The following KHDRBS2 variants were observed in gnomAD, a reference collection of about 807,000 sequenced individuals.
The protein encoded by KHDRBS2 is KH RNA binding domain containing, signal transduction associated 2.
In KHDRBS2, 26 loss-of-function variants were observed where a neutral mutation model predicts 44.3. The ratio of observed to expected loss-of-function variants is 0.59; its 90% CI spans 0.43 to 0.81. The LOEUF (loss-of-function observed/expected upper bound fraction) is 0.81, where lower values mean the gene tolerates loss of function less well. Ranked by LOEUF, KHDRBS2 falls within the 40% of genes least tolerant of loss-of-function variation. The pLI is 0.00. For missense variants in KHDRBS2, 476 were observed against 433.1 expected, an observed-to-expected ratio of 1.10 and a Z score of -0.88; for synonymous variants, 194 against 151.1, an observed-to-expected ratio of 1.28 and a Z score of -2.08.
chr6:61,798,227 C>A (rs1270581267), intron 6 of KHDRBS2, among the ~76,000 whole-genome samples: 1 of 152,030 alleles, frequency 6.6e-6, no homozygotes, highest in Non-Finnish European at 1.5e-5. Flanking sequence ...TTGATGCACT[C>A]ATATCATACT....
chr6:61,866,788 A>G (rs140581094), intron 6 of KHDRBS2, among the ~76,000 whole-genome samples: 10 of 152,304 alleles, frequency 6.6e-5, no homozygotes, highest in African/African-American at 1.9e-4. Context: ...AAGTTCCACA[A>G]ATATTTAGAG....
intron 5 of KHDRBS2, among the ~76,000 whole-genome samples, chr6:61,900,692 G>A (rs766807780): frequency 4.6e-5 from 7 of 151,988 alleles, no homozygotes; most frequent in Non-Finnish European, 1.0e-4. Flanking sequence ...TGGCTTTCTG[G>A]GCTGATGGCA....
intron 1 of KHDRBS2, among the ~76,000 whole-genome samples, chr6:62,209,783 C>A (rs1235334278): frequency 6.6e-6 from 1 of 152,082 alleles, no homozygotes; most frequent in Non-Finnish European, 1.5e-5. Context: ...AGTCTTCCAG[C>A]CTTCATCTTT....
At chr6:61,929,338 C>CT (rs1184169339) in intron 4 of KHDRBS2, among the ~76,000 whole-genome samples, 5 of 152,180 alleles carry the variant, frequency 3.3e-5, no homozygotes, top group African/African-American at 1.2e-4. Context: ...TCATAGCTGT[C>CT]TTTTAACAGG....
intron 3 of KHDRBS2, among the ~76,000 whole-genome samples, chr6:62,039,013 G>A (rs1312508283): frequency 1.3e-5 from 2 of 151,930 alleles, no homozygotes. Context: ...TATTAGAACA[G>A]TAACTTATTA....
At chr6:62,270,292 T>TCC (rs1197309471) in intron 1 of KHDRBS2, among the ~76,000 whole-genome samples, 3 of 142,212 alleles carry the variant, frequency 2.1e-5, no homozygotes, top group African/African-American at 8.2e-5. Flanking sequence ...TCTCTCTCTC[T>TCC]CTCTCTCTCC....
At chr6:62,200,665 A>G (rs879669162) in intron 1 of KHDRBS2, among the ~76,000 whole-genome samples, 2 of 152,224 alleles carry the variant, frequency 1.3e-5, no homozygotes, top group Non-Finnish European at 2.9e-5. Flanking sequence ...ACCATTGTGG[A>G]AGTCAGTGTG....
chr6:61,636,797 G>A, the KHDRBS2 span, among the ~76,000 whole-genome samples: 1 of 151,934 alleles, frequency 6.6e-6, no homozygotes, highest in African/African-American at 2.4e-5. Flanking sequence ...ACTTCTATAT[G>A]TATGTGTTAA....
chr6:61,995,047 CA>C (rs1229498024), intron 3 of KHDRBS2, among the ~76,000 whole-genome samples: 2 of 152,168 alleles, frequency 1.3e-5, no homozygotes, highest in South Asian at 4.1e-4. Flanking sequence ...AAGATGTAGA[CA>C]ACTATATAGG....
At position 62,190,685 on chromosome 6, in the gene KHDRBS2, C is replaced by T. The variant is rs188357499; in HGVS notation, c.92-13373G>A. 1.7e-3 allele frequency among the ~76,000 whole-genome samples: 253 copies of T among 152,142 alleles called. 3 individuals are homozygous for T. Among genetic ancestry groups the T allele is most frequent in the Non-Finnish European group, 2.2e-3 (148 of 67,978 alleles). On this transcript the variant is annotated intron_variant, in intron 1 of 8. Transcript: ENST00000281156. ...AATTTTTAATACAAATAAAACTCAG[C>T]GCATCTCAAACTGTACTTTAAAACC...
intron 3 of KHDRBS2, among the ~76,000 whole-genome samples, chr6:62,022,382 G>A (rs1311088036): frequency 6.6e-6 from 1 of 151,620 alleles, no homozygotes; most frequent in East Asian, 1.9e-4. Flanking sequence ...ACCTGTATGA[G>A]TTAACCAACC....
chr6:61,960,049 A>G (rs1768293099), intron 4 of KHDRBS2, among the ~76,000 whole-genome samples: 1 of 150,400 alleles, frequency 6.6e-6, no homozygotes, highest in Non-Finnish European at 1.5e-5. Flanking sequence ...ATTTGTGTTT[A>G]ATATCTTGTC....
At chr6:62,069,877 T>C (rs749714796) in intron 2 of KHDRBS2, among the ~76,000 whole-genome samples, 9 of 151,756 alleles carry the variant, frequency 5.9e-5, no homozygotes, top group East Asian at 3.9e-4. Flanking sequence ...TAAATTTGAG[T>C]ATATTTTATA....
At chr6:61,658,731 A>T in the KHDRBS2 span, among the ~76,000 whole-genome samples, 15 of 152,036 alleles carry the variant, frequency 9.9e-5, no homozygotes, top group Admixed American at 3.9e-4. Flanking sequence ...TACACTATAA[A>T]ATTTGGCATT....
At chr6:62,237,575 T>TG (rs1833900298) in intron 1 of KHDRBS2, among the ~76,000 whole-genome samples, 1 of 152,092 alleles carries the variant, frequency 6.6e-6, no homozygotes, top group Non-Finnish European at 1.5e-5. Context: ...AGAAGATAGG[T>TG]GTTTTGCCTA....
intron 2 of KHDRBS2, among the ~76,000 whole-genome samples, chr6:62,049,825 C>T (rs116282993): frequency 0.029 from 4,390 of 152,098 alleles, 222 homozygotes; most frequent in African/African-American, 0.099. Flanking sequence ...AATAAGAATG[C>T]TTTTATACTG....
At chr6:61,821,789 AT>A (rs149243333) in intron 6 of KHDRBS2, among the ~76,000 whole-genome samples, 2 of 149,944 alleles carry the variant, frequency 1.3e-5, no homozygotes, top group Non-Finnish European at 3.0e-5. Flanking sequence ...CATTGTTAAG[AT>A]TTTTTTTTCC....
At chr6:62,168,369 C>T (rs1159325976) in intron 2 of KHDRBS2, among the ~76,000 whole-genome samples, 3 of 152,062 alleles carry the variant, frequency 2.0e-5, no homozygotes, top group African/African-American at 7.2e-5. Flanking sequence ...CAAAGAGATA[C>T]TTTTAAAGGC....
intron 2 of KHDRBS2, among the ~76,000 whole-genome samples, chr6:62,163,244 A>G (rs1488568659): frequency 6.6e-6 from 1 of 152,064 alleles, no homozygotes; most frequent in Non-Finnish European, 1.5e-5. Context: ...TAATAGTTAA[A>G]GACAGACTTT....
Sources: gnomAD v4.1 joint callset for allele counts (sites outside exome capture counted in the v4.1 genomes callset) on GRCh38, gnomAD v4.1.1 for gene constraint, MANE v1.5 for transcripts, NCBI Gene and HGNC (gene_info 2026-07-23, HGNC 2026-07-21) for gene names.